The following ZBTB2 variants were observed in gnomAD, a reference collection of about 807,000 sequenced individuals.
The protein encoded by ZBTB2 is zinc finger and BTB domain-containing protein 2.
ZBTB2 carries 2 observed loss-of-function variants against 39.5 expected under a neutral mutation model. The observed-to-expected ratio is 0.05, with a 90% confidence interval of 0.02 to 0.16. The LOEUF (loss-of-function observed/expected upper bound fraction) is 0.16, where lower values mean the gene tolerates loss of function less well. Among genes scored for constraint, ZBTB2 ranks in the 10% least tolerant of loss-of-function variants. ZBTB2 has a pLI of 1.00. For synonymous variants in ZBTB2, 251 were observed against 256.6 expected (o/e 0.98, Z 0.21); for missense variants, 391 against 653.0 (o/e 0.60, Z 4.37).
chr6:151,390,441 T>TGC (rs774767321), intron 1 of ZBTB2, among the ~76,000 whole-genome samples: 2 of 148,330 alleles, frequency 1.3e-5, no homozygotes, highest in South Asian at 4.3e-4. Context: ...CAGTCCCGCG[T>TGC]GCGCGCGCGC....
intron 2 of ZBTB2, among the ~76,000 whole-genome samples, chr6:151,371,470 G>T (rs1778787544): frequency 1.3e-5 from 2 of 152,172 alleles, no homozygotes; most frequent in Admixed American, 1.3e-4. Context: ...GACTGGGAGG[G>T]GTCCTGCATG....
intron 1 of ZBTB2, among the ~76,000 whole-genome samples, chr6:151,385,181 G>A (rs115698860): frequency 0.015 from 2,280 of 152,292 alleles, 54 homozygotes; most frequent in African/African-American, 0.051. Context: ...CCTTCTTTCT[G>A]TATATGTATG....
At chr6:151,376,248 A>G (rs1345958369) in intron 1 of ZBTB2, among the ~76,000 whole-genome samples, 1 of 152,244 alleles carries the variant, frequency 6.6e-6, no homozygotes, top group Admixed American at 6.5e-5. Flanking sequence ...CTTTTGGGAA[A>G]AAAAGTAAGA....
At position 151,365,810 on chromosome 6, in the gene ZBTB2, GTGTAAGTGTCGA is replaced by G. The variant is rs1233847369; in HGVS notation, c.1244_1255del (p.Ile415_Tyr418del). 6.2e-7 allele frequency: 1 copy of G among 1,614,082 alleles called. No individual in the cohort carries two copies. Among genetic ancestry groups the G allele is most frequent in the Non-Finnish European group, 8.5e-7 (1 of 1,180,050 alleles). On this transcript the variant is annotated inframe_deletion, in exon 3 of 3. Transcript: ENST00000325144. The surrounding 1 kb of genome is among the most constrained non-coding windows in gnomAD (Gnocchi z 5.6). ...TTCCAGAGTCTGTTTGTCCACCATGGTGTAAGTGTCGATGCTCTGGTTGAGGCACACGTGGCG... is the reference window on the plus strand; with the variant it reads ...TTCCAGAGTCTGTTTGTCCACCATGGTGCTCTGGTTGAGGCACACGTGGCG...
At chr6:151,373,740 ATGTCATCATAGCTAACG>A (rs1778835046) in intron 1 of ZBTB2, 91 bp from the exon 2 acceptor site, 8 of 1,204,708 alleles carry the variant, frequency 6.6e-6, no homozygotes, top group Non-Finnish European at 8.1e-6. Flanking sequence ...CATAGCTAAC[ATGTCATCATAGCTAACG>A]TGTCAGGCAC....
intron 2 of ZBTB2, among the ~76,000 whole-genome samples, chr6:151,368,854 C>T (rs1778714147): frequency 6.6e-6 from 1 of 151,754 alleles, no homozygotes; most frequent in Non-Finnish European, 1.5e-5. Context: ...ATCTCCGCCT[C>T]CCAGGTTCAA....
Position 151,366,325 on chromosome 6 carries a change from A to G in ZBTB2, c.741T>C (p.Asn247=), listed in dbSNP as rs1778647931. The change falls in exon 3 of 3, where the codon AAT becomes AAC. Residue 247 remains asparagine, a synonymous_variant. Coordinates refer to ENST00000325144, the MANE Select transcript of ZBTB2 (RefSeq NM_020861.3). This position sits in a 1 kb window ranked among gnomAD's most constrained non-coding sequence, Gnocchi z 7.1. ...AHVKPSIMKR[N]GSFPKYYACH... ...AGGCATAGTACTTTGGAAAGCTCCC[A>G]TTCCTCTTCATGATGCTTGGCTTGA... 2 of 1,614,062 alleles carry G rather than the reference A, an allele frequency of 1.2e-6. No individual in the cohort carries two copies. Among genetic ancestry groups the G allele is most frequent in the East Asian group, 4.5e-5 (2 of 44,852 alleles).
At chr6:151,371,258 T>C (rs758505817) in intron 2 of ZBTB2, among the ~76,000 whole-genome samples, 19 of 152,252 alleles carry the variant, frequency 1.2e-4, no homozygotes, top group Non-Finnish European at 2.4e-4. Context: ...TACTGGGTGG[T>C]GGCGGCAAAG....
At chr6:151,372,002 A>G (rs915191887) in intron 2 of ZBTB2, among the ~76,000 whole-genome samples, 45 of 152,310 alleles carry the variant, frequency 3.0e-4, no homozygotes, top group Admixed American at 2.7e-3. Context: ...TGCCCAGCAC[A>G]CAGCCTGAGG....
At chr6:151,390,349 C>T (rs1189325947) in intron 1 of ZBTB2, among the ~76,000 whole-genome samples, 2 of 123,120 alleles carry the variant, frequency 1.6e-5, no homozygotes, top group Non-Finnish European at 3.2e-5. Flanking sequence ...GGCCCCGCCC[C>T]CTCCCTGTCC....
chr6:151,377,893 T>C (rs1423058027), intron 1 of ZBTB2: 3 of 151,944 alleles, frequency 2.0e-5, no homozygotes, highest in Admixed American at 2.0e-4. Context: ...AAAGTGAGTA[T>C]GCTAAACTTC....
intron 1 of ZBTB2, among the ~76,000 whole-genome samples, chr6:151,374,764 G>A (rs1397400414): frequency 2.0e-5 from 3 of 147,126 alleles, no homozygotes; most frequent in South Asian, 2.1e-4. Flanking sequence ...ATTTGCAGAT[G>A]ACACGATTGT....
chr6:151,376,345 C>A (rs907165246), intron 1 of ZBTB2, among the ~76,000 whole-genome samples: 2 of 152,170 alleles, frequency 1.3e-5, no homozygotes, highest in East Asian at 3.8e-4. Flanking sequence ...AACTGGACTT[C>A]ATCAAAATTA....
intron 1 of ZBTB2, among the ~76,000 whole-genome samples, chr6:151,380,934 A>G (rs773391523): frequency 1.3e-5 from 2 of 152,166 alleles, no homozygotes; most frequent in Non-Finnish European, 2.9e-5. Context: ...ACCCCAAAGG[A>G]CAATAAAAAC....
intron 1 of ZBTB2, among the ~76,000 whole-genome samples, chr6:151,381,150 T>G (rs963921113): frequency 6.6e-6 from 1 of 152,142 alleles, no homozygotes; most frequent in Non-Finnish European, 1.5e-5. Flanking sequence ...ATCTCCAGTT[T>G]TGGCCTCCTT....
At chr6:151,373,154 C>CAAAAAAAAA (rs58019601) in intron 2 of ZBTB2, among the ~76,000 whole-genome samples, 1 of 27,852 alleles carries the variant, frequency 3.6e-5, no homozygotes, top group African/African-American at 1.2e-4. Context: ...GACTCCGTCT[C>CAAAAAAAAA]AAAAAAAAAA....
At chr6:151,387,648 C>CTA (rs1483833974) in intron 1 of ZBTB2, among the ~76,000 whole-genome samples, 2 of 152,146 alleles carry the variant, frequency 1.3e-5, no homozygotes, top group Non-Finnish European at 2.9e-5. Context: ...ACTAAAATCT[C>CTA]TAACAAAAGT....
intron 1 of ZBTB2, among the ~76,000 whole-genome samples, 158 bp from the exon 2 acceptor site, chr6:151,373,807 T>C (rs1227041505): frequency 1.7e-5 from 2 of 120,770 alleles, no homozygotes; most frequent in African/African-American, 6.1e-5. Flanking sequence ...TTAGTCTTCC[T>C]AACAGTCCTC....
chr6:151,384,190 C>A (rs984686738), intron 1 of ZBTB2, among the ~76,000 whole-genome samples: 10 of 152,182 alleles, frequency 6.6e-5, no homozygotes, highest in Non-Finnish European at 1.5e-4. Flanking sequence ...TTATAATTCA[C>A]AATAACCCGG....
Sources: allele counts gnomAD v4.1 joint callset (sites outside exome capture counted in the v4.1 genomes callset), GRCh38; gene constraint gnomAD v4.1.1; non-coding constraint Gnocchi (gnomAD v3.1); transcripts MANE v1.5; gene names NCBI Gene and HGNC (gene_info 2026-07-23, HGNC 2026-07-21).